The following SYNE1 variants were observed in gnomAD, a reference collection of about 807,000 sequenced individuals.
SYNE1 encodes spectrin repeat containing nuclear envelope protein 1, also known as nesprin-1.
Under a neutral mutation model 1,111.0 loss-of-function variants are expected in SYNE1, and 616 were observed. The observed-to-expected ratio is 0.55, with a 90% CI of 0.52 to 0.59. The LOEUF (loss-of-function observed/expected upper bound fraction) is 0.59. SYNE1 is among the 20% of genes least tolerant of loss of function. The pLI is 0.00. For synonymous variants in SYNE1, 3,855 were observed against 3,825.8 expected, an observed-to-expected ratio of 1.01 and a Z score of -0.28; for missense variants, 10,006 against 10,417.0, an observed-to-expected ratio of 0.96 and a Z score of 1.72.
At chr6:152,403,981 G>GAT (rs971740182) in intron 46 of SYNE1, among the ~76,000 whole-genome samples, 2 of 151,512 alleles carry the variant, frequency 1.3e-5, no homozygotes, top group Non-Finnish European at 2.9e-5. Context: ...TGGTGATGAT[G>GAT]ATAACATCGA....
chr6:152,471,809 A>T, intron 15 of SYNE1, 44 bp from the exon 16 acceptor site: 1 of 1,573,900 alleles, frequency 6.4e-7, no homozygotes, highest in Non-Finnish European at 8.7e-7. Context: ...AACTAATAGT[A>T]ACAGAACTGA....
chr6:152,426,548 G>A lies in SYNE1; in HGVS notation c.5101-1001C>T, dbSNP rs544909502. ...CAGTCATATGGCACTTAGTTTCCAC[G>A]TGGAGATGGGCAGCAACAGTTTTAC... On this transcript the variant is annotated intron_variant, in intron 38 of 145. Coordinates refer to ENST00000367255, the MANE Select transcript of SYNE1 (RefSeq NM_182961.4). Among the ~76,000 whole-genome samples, 37 of 152,368 alleles carry A rather than the reference G, an allele frequency of 2.4e-4. No homozygotes were observed. In the South Asian group the frequency reaches 3.9e-3, roughly 16 times the overall value.
chr6:152,278,011 T>C, intron 98 of SYNE1, 78 bp downstream of exon 98: 7 of 1,540,818 alleles, frequency 4.5e-6, no homozygotes, highest in Non-Finnish European at 6.3e-6. Context: ...AACCTGTTCC[T>C]TTACCTGGCA....
intron 128 of SYNE1, among the ~76,000 whole-genome samples, chr6:152,182,330 C>T (rs192666095): frequency 2.6e-5 from 4 of 152,306 alleles, no homozygotes; most frequent in African/African-American, 7.2e-5. Context: ...GGTCTGAAGA[C>T]GTTCTTCCAC....
intron 15 of SYNE1, 58 bp from the exon 16 acceptor site, chr6:152,471,823 T>C (rs2098807167): frequency 6.5e-7 from 1 of 1,528,988 alleles, no homozygotes. Flanking sequence ...GAACTGATGC[T>C]TACTTAACCT....
chr6:152,246,562 G>A (rs2087218277), intron 105 of SYNE1, among the ~76,000 whole-genome samples: 2 of 152,266 alleles, frequency 1.3e-5, no homozygotes, highest in South Asian at 4.2e-4. Context: ...AGGTCTCTTG[G>A]TAAGACAGTT....
chr6:152,462,593 TGACA>T, intron 20 of SYNE1, 141 bp downstream of exon 20: 1 of 837,930 alleles, frequency 1.2e-6, no homozygotes, highest in Non-Finnish European at 1.9e-6. Flanking sequence ...CATTTTTTTC[TGACA>T]GGTGCAAATT....
chr6:152,301,842 A>G, intron 92 of SYNE1, 27 bp downstream of exon 92: 5 of 1,587,392 alleles, frequency 3.1e-6, no homozygotes, highest in Non-Finnish European at 4.3e-6. Context: ...CAAAGAGCAA[A>G]GCCGCGGGGA....
chr6:152,303,498 TAC>T (rs1013267145), intron 91 of SYNE1, among the ~76,000 whole-genome samples: 13 of 151,852 alleles, frequency 8.6e-5, no homozygotes, highest in African/African-American at 2.9e-4. Context: ...TTCATATATA[TAC>T]ACACACATAT....
intron 49 of SYNE1, among the ~76,000 whole-genome samples, chr6:152,397,443 T>G (rs2097753464): frequency 6.6e-6 from 1 of 152,118 alleles, no homozygotes; most frequent in Non-Finnish European, 1.5e-5. Flanking sequence ...GCAAAAGAAT[T>G]CCAGAGTCCA....
chr6:152,153,294 C>A (rs992274806), intron 133 of SYNE1, among the ~76,000 whole-genome samples: 4 of 152,194 alleles, frequency 2.6e-5, no homozygotes, highest in Admixed American at 6.5e-5. Flanking sequence ...AGTCCCAGTA[C>A]ATGTTTGCCC....
intron 70 of SYNE1, among the ~76,000 whole-genome samples, chr6:152,351,720 C>G (rs949082903): frequency 6.6e-6 from 1 of 152,152 alleles, no homozygotes; most frequent in African/African-American, 2.4e-5. Flanking sequence ...AAGATTTTAC[C>G]TGGAGGATCC....
At chr6:152,326,217 G>A in intron 79 of SYNE1, 79 bp downstream of exon 79, 2 of 1,610,354 alleles carry the variant, frequency 1.2e-6, no homozygotes, top group East Asian at 4.5e-5. Context: ...ACGTGCTAAT[G>A]TATATCATTC....
At chr6:152,239,771 G>C in intron 107 of SYNE1, 65 bp from the exon 108 acceptor site, 1 of 1,592,566 alleles carries the variant, frequency 6.3e-7, no homozygotes, top group Non-Finnish European at 8.6e-7. Context: ...ATCAAAATTG[G>C]TTTAGGGCCG....
intron 130 of SYNE1, among the ~76,000 whole-genome samples, chr6:152,172,039 T>G (rs1253643240): frequency 1.3e-5 from 2 of 152,152 alleles, no homozygotes. Context: ...GCAATTATAA[T>G]AAATATAGAG....
chr6:152,581,004 T>A (rs1217423642), intron 3 of SYNE1, among the ~76,000 whole-genome samples: 1 of 152,246 alleles, frequency 6.6e-6, no homozygotes, highest in Non-Finnish European at 1.5e-5. Context: ...TGGCTTCTTA[T>A]ACAATGTGTT....
At chr6:152,465,183 A>G (rs2098757194) in intron 18 of SYNE1, 75 bp downstream of exon 18, 1 of 1,499,598 alleles carries the variant, frequency 6.7e-7, no homozygotes, top group Non-Finnish European at 9.2e-7. Flanking sequence ...GCGACCCCCT[A>G]GTGAGCTACG....
intron 66 of SYNE1, among the ~76,000 whole-genome samples, chr6:152,355,454 T>C (rs573224675): frequency 2.0e-5 from 3 of 152,320 alleles, no homozygotes; most frequent in South Asian, 2.1e-4. Context: ...CTAGGCATTG[T>C]GGTGGCCAAG....
chr6:152,363,367 G>T (rs939367577), intron 63 of SYNE1, among the ~76,000 whole-genome samples: 1 of 149,794 alleles, frequency 6.7e-6, no homozygotes, highest in African/African-American at 2.4e-5. Context: ...GGTGGCGGGC[G>T]CCTGTAGTAC....
Sources: allele counts gnomAD v4.1 joint callset (sites outside exome capture counted in the v4.1 genomes callset), GRCh38; gene constraint gnomAD v4.1.1; transcripts MANE v1.5; gene names NCBI Gene and HGNC (gene_info 2026-07-23, HGNC 2026-07-21).